The following WNK2 variants were observed in gnomAD, a reference collection of about 807,000 sequenced individuals.
WNK2 encodes serine/threonine-protein kinase WNK2.
WNK2 carries 67 observed loss-of-function variants against 192.1 expected under a neutral mutation model. The observed-to-expected ratio is 0.35, with a 90% CI of 0.29 to 0.43. The LOEUF (loss-of-function observed/expected upper bound fraction) is 0.43. WNK2 is among the 20% of genes least tolerant of loss of function. WNK2 has a pLI of 1.00. For missense variants in WNK2, 2,698 were observed against 3,089.7 expected, an observed-to-expected ratio of 0.87 and a Z score of 3.01; for synonymous variants, 1,439 against 1,393.9, an observed-to-expected ratio of 1.03 and a Z score of -0.72.
intron 19 of WNK2, among the ~76,000 whole-genome samples, chr9:93,272,899 AC>A (rs1846224425): frequency 6.6e-6 from 1 of 152,178 alleles, no homozygotes; most frequent in Non-Finnish European, 1.5e-5. Context: ...AACAGTTTTA[AC>A]ACGTCAATTA....
At position 93,247,580 on chromosome 9, in the gene WNK2, T is replaced by C. The variant is rs1379058121; in HGVS notation, c.1580T>C (p.Ile527Thr). The change falls in exon 8 of 30, where the codon ATC becomes ACC. Residue 527 changes from isoleucine to threonine, a missense_variant. Physicochemically the swap from Ile to Thr is moderately conservative, Grantham distance 89 (BLOSUM62 -1). Coordinates refer to ENST00000427277, the MANE Select transcript of WNK2 (RefSeq NM_006648.4). This position sits in a 1 kb window ranked among gnomAD's most constrained non-coding sequence, Gnocchi z 5.2. ...TTCTTCCACGAGAGTGACGTCAAGA[T>C]CGTGGCCAAGTCCATCCGTGACCGC... The part of the protein sequence containing the change: ...SGFFHESDVK[I>T]VAKSIRDRVA... 6.2e-7 allele frequency: 1 copy of C among 1,609,976 alleles called. No individual in the cohort carries two copies. Among genetic ancestry groups the C allele is most frequent in the Non-Finnish European group, 8.5e-7 (1 of 1,178,512 alleles).
chr9:93,210,841 G>A (rs957537282), intron 2 of WNK2, among the ~76,000 whole-genome samples: 5 of 152,146 alleles, frequency 3.3e-5, no homozygotes, highest in Admixed American at 6.5e-5. Flanking sequence ...GACATAGACC[G>A]GCCCTCCTTT....
At chr9:93,212,738 G>A (rs1203877158) in intron 2 of WNK2, among the ~76,000 whole-genome samples, 2 of 152,114 alleles carry the variant, frequency 1.3e-5, no homozygotes, top group Non-Finnish European at 2.9e-5. Flanking sequence ...ACCTTCATGG[G>A]CCCAGTGTGT....
rs140662967 is a variant in WNK2 at position 93,260,552 on chromosome 9, TC to T, written c.3066+941del. ...ATGTGAAGGGGCCTGGGGTGGAGCA[TC>T]CCTGGTGCCAGGTGCCCCCCAGCTC... On this transcript the variant is annotated intron_variant, in intron 12 of 29. Coordinates refer to ENST00000427277, the MANE Select transcript of WNK2 (RefSeq NM_006648.4). Among the ~76,000 whole-genome samples the T allele has an allele frequency of 4.0e-3, 611 of 152,258 alleles. 8 individuals carry two copies. Among genetic ancestry groups the T allele is most frequent in the African/African-American group, 0.014 (586 of 41,558 alleles).
At chr9:93,305,562 C>T (rs546890054) in intron 26 of WNK2, among the ~76,000 whole-genome samples, 8 of 152,248 alleles carry the variant, frequency 5.3e-5, no homozygotes, top group Non-Finnish European at 8.8e-5. Context: ...TTTCCCCACA[C>T]TAGCTCAGGA....
intron 19 of WNK2, among the ~76,000 whole-genome samples, chr9:93,279,086 C>T (rs1476261459): frequency 6.6e-6 from 1 of 152,208 alleles, no homozygotes; most frequent in African/African-American, 2.4e-5. Flanking sequence ...GATGTCTGTT[C>T]TTCCACCTCT....
intron 1 of WNK2, among the ~76,000 whole-genome samples, 179 bp downstream of exon 1, chr9:93,184,564 G>C (rs758168405): frequency 5.8e-4 from 88 of 152,238 alleles, no homozygotes; most frequent in Non-Finnish European, 9.0e-4. Flanking sequence ...AGCTGCCTCC[G>C]GGACAGCCTA....
intron 19 of WNK2, among the ~76,000 whole-genome samples, chr9:93,288,067 G>A (rs1207878225): frequency 6.6e-6 from 1 of 152,164 alleles, no homozygotes; most frequent in Non-Finnish European, 1.5e-5. Flanking sequence ...AGGTCGGGTT[G>A]CATTTTCAAG....
intron 19 of WNK2, among the ~76,000 whole-genome samples, chr9:93,284,428 A>G (rs969949491): frequency 6.6e-6 from 1 of 152,244 alleles, no homozygotes; most frequent in Non-Finnish European, 1.5e-5. Context: ...TTTATTCACT[A>G]TATCCCAATA....
chr9:93,277,327 T>G (rs1847081129), intron 19 of WNK2, among the ~76,000 whole-genome samples: 1 of 152,184 alleles, frequency 6.6e-6, no homozygotes, highest in Non-Finnish European at 1.5e-5. Context: ...ATAAAAGATA[T>G]ACTTGCTATA....
At chr9:93,258,800 A>T (rs1843715669) in intron 11 of WNK2, 131 bp from the exon 12 acceptor site, 9 of 757,060 alleles carry the variant, frequency 1.2e-5, no homozygotes, top group Non-Finnish European at 1.9e-5. Context: ...GGTGTCTCGG[A>T]GGGAAAGGGT....
At chr9:93,246,340 C>T (rs963123657) in intron 7 of WNK2, among the ~76,000 whole-genome samples, 9 of 152,148 alleles carry the variant, frequency 5.9e-5, no homozygotes, top group African/African-American at 2.2e-4. Context: ...CTGTCCTGGC[C>T]GAGCTCTGCA....
At chr9:93,303,269 T>G (rs1851921890) in intron 26 of WNK2, among the ~76,000 whole-genome samples, 1 of 152,172 alleles carries the variant, frequency 6.6e-6, no homozygotes, top group African/African-American at 2.4e-5. Context: ...GAGGGTCAGG[T>G]GCAGATGCTG....
In WNK2 at chr9:93,298,070, C is replaced by T. The variant is rs1286536458; in HGVS notation, c.5923+3C>T. 25 of 1,549,078 alleles carry T rather than the reference C, an allele frequency of 1.6e-5. No homozygotes were observed. Among genetic ancestry groups the T allele is most frequent in the South Asian group, 3.6e-5 (3 of 84,016 alleles). On this transcript the variant is annotated splice_donor_region_variant and intron_variant, in intron 24 of 29. Coordinates refer to ENST00000427277, the MANE Select transcript of WNK2 (RefSeq NM_006648.4). Reference sequence around the variant, plus strand: ...CAAGGTCGTGGCCTCCAGCACAGGTCGGCCTCCGGGTGCAGGGCTGGGATG... The same window carrying T: ...CAAGGTCGTGGCCTCCAGCACAGGTTGGCCTCCGGGTGCAGGGCTGGGATG...
At chr9:93,225,243 T>A (rs1429611485) in intron 2 of WNK2, among the ~76,000 whole-genome samples, 1 of 151,958 alleles carries the variant, frequency 6.6e-6, no homozygotes, top group African/African-American at 2.4e-5. Flanking sequence ...TCTAAAAAAA[T>A]AAAATTAGCC....
At chr9:93,283,864 G>A (rs866335882) in intron 19 of WNK2, among the ~76,000 whole-genome samples, 3 of 152,156 alleles carry the variant, frequency 2.0e-5, no homozygotes, top group South Asian at 2.1e-4. Context: ...GTTCCCAAGA[G>A]GAAATTTGGA....
Position 93,194,781 on chromosome 9 carries a change from A to C in WNK2, c.681+9171A>C, listed in dbSNP as rs7036230. On this transcript the variant is annotated intron_variant, in intron 2 of 29. Transcript: ENST00000427277. ...GATGTTTATAGCAGCTTTATTCATA[A>C]TTGCCAGAACTTGGAAGCAACCCAG... 3.8e-3 allele frequency among the ~76,000 whole-genome samples: 584 copies of C among 152,356 alleles called. 4 individuals are homozygous for C. The highest frequency in any genetic ancestry group is 0.013 in the African/African-American group (550 of 41,588).
chr9:93,219,333 G>A (rs1003746236), intron 2 of WNK2, among the ~76,000 whole-genome samples: 4 of 152,246 alleles, frequency 2.6e-5, no homozygotes, highest in South Asian at 2.1e-4. Flanking sequence ...GGTGATGCCC[G>A]GCTTGAGTCC....
rs377453831 is a variant in WNK2 at position 93,289,125 on chromosome 9, T to C, written c.4371T>C (p.Thr1457=). The change falls in exon 20 of 30, where the codon ACT becomes ACC. Residue 1457 remains threonine, a synonymous_variant. Coordinates refer to ENST00000427277, the MANE Select transcript of WNK2 (RefSeq NM_006648.4). ...TCGTGGTGGGCCTAGCACCTTGCAC[T>C]CCAGCTCCAGAGGCTGCCTCAACCA... The part of the protein sequence containing the change: ...QPLVVGLAPC[T]PAPEAASTRD... 2.0e-5 allele frequency: 32 copies of C among 1,603,522 alleles called. No homozygotes were observed. The African/African-American group carries it at 4.1e-4, about 21-fold the overall frequency.
Sources: allele counts gnomAD v4.1 joint callset (sites outside exome capture counted in the v4.1 genomes callset), GRCh38; gene constraint gnomAD v4.1.1; non-coding constraint Gnocchi (gnomAD v3.1); transcripts MANE v1.5; gene names NCBI Gene and HGNC (gene_info 2026-07-23, HGNC 2026-07-21).